IAH1: variants seen among roughly 807,000 people sequenced by gnomAD.
IAH1 encodes isoamyl acetate hydrolyzing esterase 1 (putative), also known as isoamyl acetate-hydrolyzing esterase 1 homolog.
Under a neutral mutation model 26.7 loss-of-function variants are expected in IAH1, and 24 were observed. The ratio of observed to expected loss-of-function variants is 0.90; its 90% CI spans 0.65 to 1.26. The LOEUF is 1.26. Ranked by LOEUF, IAH1 falls within the 50% of genes most tolerant of loss-of-function variation. The probability of loss-of-function intolerance (pLI) is 0.00; values close to 1 mark genes in which losing one functional copy is unlikely to be tolerated. For synonymous variants in IAH1, 140 were observed against 118.5 expected (o/e 1.18, Z -1.18); for missense variants, 300 against 299.9 (o/e 1.00, Z 0.00).
Position 9,488,438 on chromosome 2 carries a change from A to G in IAH1, c.*109A>G. Reference sequence around the variant, plus strand: ...TTAAACCTTTGCCACTGATATTAATAATAAAAGTATTAGATGATTTTTCAG... The same window carrying G: ...TTAAACCTTTGCCACTGATATTAATGATAAAAGTATTAGATGATTTTTCAG... On this transcript the variant is annotated 3_prime_UTR_variant, in exon 6 of 6. Transcript: ENST00000497473. 1 of 777,348 alleles carries G rather than the reference A, an allele frequency of 1.3e-6. No individual in the cohort carries two copies. The highest frequency in any genetic ancestry group is 2.0e-6 in the Non-Finnish European group (1 of 507,764). 48.2% of individuals were successfully genotyped at this position (777,348 alleles called of 1,614,324 possible).
chr2:9,505,258 A>G, the IAH1 span: 3 of 1,614,128 alleles, frequency 1.9e-6, no homozygotes, highest in Non-Finnish European at 2.5e-6. Flanking sequence ...CTTCTCCTTC[A>G]TCCACCCTCG....
upstream of IAH1, chr2:9,474,516 G>GC (rs1221116973): frequency 1.1e-5 from 13 of 1,228,220 alleles, no homozygotes; most frequent in Non-Finnish European, 1.4e-5. The surrounding 1 kb of genome is among the most constrained non-coding windows in gnomAD (Gnocchi z 4.3). Flanking sequence ...CGGCCACTGC[G>GC]CAGGCGCCTC....
At chr2:9,508,366 G>A in the IAH1 span, among the ~76,000 whole-genome samples, 153 of 152,040 alleles carry the variant, frequency 1.0e-3, no homozygotes, top group Middle Eastern at 6.8e-3. Context: ...CTCTACATCC[G>A]CGCTACTTTT....
intron 5 of IAH1, among the ~76,000 whole-genome samples, chr2:9,487,064 C>G (rs1029728634): frequency 2.0e-5 from 3 of 151,976 alleles, no homozygotes; most frequent in Non-Finnish European, 4.4e-5. Context: ...AGAGACCCAT[C>G]TCTACAAAAA....
chr2:9,492,955 A>G (rs1425376358), downstream of IAH1: 1 of 1,612,744 alleles, frequency 6.2e-7, no homozygotes, highest in Non-Finnish European at 8.5e-7. Flanking sequence ...AAACCAGGAC[A>G]GACCCAACGA....
chr2:9,475,401 C>A (rs1328904956), intron 1 of IAH1, among the ~76,000 whole-genome samples: 3 of 151,618 alleles, frequency 2.0e-5, no homozygotes, highest in Non-Finnish European at 4.4e-5. Context: ...ACCCTCAGCT[C>A]GGTAACCAGC....
chr2:9,490,185 C>CT (rs756372734), downstream of IAH1: 3 of 1,592,894 alleles, frequency 1.9e-6, no homozygotes, highest in East Asian at 4.5e-5. Context: ...AATTAGCACT[C>CT]TGTTTCTTTG....
chr2:9,488,006 G>C (rs1171530653), intron 5 of IAH1, 141 bp from the exon 6 acceptor site: 15 of 570,846 alleles, frequency 2.6e-5, no homozygotes, highest in Admixed American at 1.1e-4. Flanking sequence ...GCTAATTTTT[G>C]TATTTTTAAA....
In IAH1 at chr2:9,474,789, G is replaced by A; in HGVS notation, c.81+142G>A. 3.3e-6 allele frequency: 2 copies of A among 612,488 alleles called. No individual in the cohort carries two copies. The highest frequency in any genetic ancestry group is 5.0e-6 in the Non-Finnish European group (2 of 400,306). 37.9% of individuals were successfully genotyped at this position (612,488 alleles called of 1,614,324 possible). ...GGCCACGCCCGTGGAGACACCGGAG[G>A]AGTGGCGGGTCCCCCAGTGGCTGCG... On this transcript the variant is annotated intron_variant, in intron 1 of 5. Coordinates refer to ENST00000497473, the MANE Select transcript of IAH1 (RefSeq NM_001039613.3). This position sits in a 1 kb window ranked among gnomAD's most constrained non-coding sequence, Gnocchi z 4.3.
At chr2:9,511,641 G>T in the IAH1 span, among the ~76,000 whole-genome samples, 18 of 152,004 alleles carry the variant, frequency 1.2e-4, no homozygotes, top group Admixed American at 6.6e-5. Flanking sequence ...TGCCAATAAA[G>T]CTAAAATTTT....
At chr2:9,509,304 T>C in the IAH1 span, among the ~76,000 whole-genome samples, 1 of 152,270 alleles carries the variant, frequency 6.6e-6, no homozygotes, top group Non-Finnish European at 1.5e-5. Flanking sequence ...CAGATATTTA[T>C]TAACACAACT....
intron 1 of IAH1, 59 bp from the exon 2 acceptor site, chr2:9,475,928 C>T (rs1482889697): frequency 2.0e-6 from 3 of 1,468,988 alleles, no homozygotes; most frequent in African/African-American, 1.4e-5. Context: ...TCAGAACTGC[C>T]CTCGCTGAGA....
chr2:9,490,976 C>A (rs1223896821), downstream of IAH1: 138 of 819,146 alleles, frequency 1.7e-4, 1 homozygote, highest in East Asian at 3.5e-3. Context: ...CCAACCTAGA[C>A]CCTTCCTGCT....
Position 9,474,628 on chromosome 2 carries a change from T to TA in IAH1, c.62_63insA (p.Phe21LeufsTer21). 1.3e-6 allele frequency: 2 copies of TA among 1,555,846 alleles called. No homozygotes were observed. Among genetic ancestry groups the TA allele is most frequent in the Non-Finnish European group, 1.7e-6 (2 of 1,154,852 alleles). On this transcript the variant is annotated frameshift_variant, in exon 1 of 6. Transcript: ENST00000497473. LOFTEE classifies it high-confidence loss of function. This position sits in a 1 kb window ranked among gnomAD's most constrained non-coding sequence, Gnocchi z 4.3. ...CTGCTCTGGCCTCGCTTGTTGCTCT[T>TA]CGGGGACTCCATCACCCAGGTACGG...
chr2:9,487,780 C>T (rs935089342), intron 5 of IAH1, among the ~76,000 whole-genome samples: 3 of 148,400 alleles, frequency 2.0e-5, no homozygotes, highest in African/African-American at 5.0e-5. Flanking sequence ...CCTCCCTCCC[C>T]GGCCTTTTTG....
chr2:9,507,007 A>G, the IAH1 span: 47 of 152,116 alleles, frequency 3.1e-4, no homozygotes, highest in African/African-American at 1.1e-3. Context: ...AGAAGTTACA[A>G]TCTCAAAGGT....
At chr2:9,486,812 A>T (rs1387368216) in intron 5 of IAH1, 2 of 151,650 alleles carry the variant, frequency 1.3e-5, no homozygotes, top group Non-Finnish European at 2.9e-5. Flanking sequence ...CTGGGCAACA[A>T]GAGTGAGACT....
downstream of IAH1, among the ~76,000 whole-genome samples, chr2:9,498,058 C>T (rs1472023832): frequency 6.6e-6 from 1 of 152,116 alleles, no homozygotes; most frequent in Admixed American, 6.5e-5. Flanking sequence ...GAGACAGGGT[C>T]TCAGTCTGTC....
chr2:9,489,725 CAAAAAAAAAAAAA>C (rs548548539), exon 6 of IAH1: 1 of 78,304 alleles, frequency 1.3e-5, no homozygotes, highest in South Asian at 5.1e-4. Context: ...TAGTTGAAGG[CAAAAAAAAAAAAA>C]AAAAAAAAAA....
Sources: allele counts gnomAD v4.1 joint callset (sites outside exome capture counted in the v4.1 genomes callset), GRCh38; gene constraint gnomAD v4.1.1; non-coding constraint Gnocchi (gnomAD v3.1); transcripts MANE v1.5; gene names NCBI Gene and HGNC (gene_info 2026-07-23, HGNC 2026-07-21).